ATP8A2: variants seen among roughly 807,000 people sequenced by gnomAD.
ATP8A2 encodes the protein phospholipid-transporting ATPase IB.
A neutral mutation model predicts 165.6 loss-of-function variants in ATP8A2; 100 were observed. The observed-to-expected ratio is 0.60, with a 90% CI of 0.51 to 0.71. ATP8A2 has a LOEUF of 0.71. ATP8A2 is among the 30% of genes least tolerant of loss of function. ATP8A2 has a pLI of 0.00. For synonymous variants in ATP8A2, 543 were observed against 548.8 expected (o/e 0.99, Z 0.15); for missense variants, 1,227 against 1,479.5 (o/e 0.83, Z 2.80).
At chr13:25,830,503 C>T (rs1951434596) in intron 28 of ATP8A2, among the ~76,000 whole-genome samples, 2 of 152,082 alleles carry the variant, frequency 1.3e-5, no homozygotes, top group African/African-American at 4.8e-5. Flanking sequence ...ATGGAATGGT[C>T]AAGGATCTGC....
intron 33 of ATP8A2, among the ~76,000 whole-genome samples, chr13:25,873,187 C>T (rs897225275): frequency 6.6e-6 from 1 of 152,194 alleles, no homozygotes. Context: ...ATTTTAGTCA[C>T]TCATCATTGA....
intron 25 of ATP8A2, among the ~76,000 whole-genome samples, chr13:25,714,366 A>C (rs745653771): frequency 1.3e-5 from 2 of 152,022 alleles, no homozygotes; most frequent in Admixed American, 1.3e-4. Context: ...TCTTTGCTCA[A>C]ATGTCACCCT....
intron 1 of ATP8A2, among the ~76,000 whole-genome samples, chr13:25,403,862 T>C (rs1395945534): frequency 2.0e-5 from 3 of 152,222 alleles, no homozygotes; most frequent in African/African-American, 7.2e-5. Flanking sequence ...AGATAGTTGC[T>C]ATAATCAATA....
intron 33 of ATP8A2, among the ~76,000 whole-genome samples, chr13:25,870,533 G>T (rs997536637): frequency 2.6e-5 from 4 of 152,148 alleles, no homozygotes; most frequent in Admixed American, 2.6e-4. Context: ...ATGAAAATAT[G>T]TTTAATATAT....
intron 33 of ATP8A2, among the ~76,000 whole-genome samples, chr13:25,932,907 C>T (rs1954802880): frequency 1.3e-5 from 2 of 152,108 alleles, no homozygotes; most frequent in African/African-American, 4.8e-5. Context: ...GGTGCAGTGG[C>T]GTGATCTCGG....
chr13:25,744,679 C>G (rs556238415), intron 25 of ATP8A2, among the ~76,000 whole-genome samples: 124 of 152,190 alleles, frequency 8.1e-4, no homozygotes, highest in African/African-American at 2.8e-3. Context: ...TTAGAATTCT[C>G]AATAGCCACT....
chr13:25,403,550 A>G (rs2033706231), intron 1 of ATP8A2, among the ~76,000 whole-genome samples: 1 of 152,204 alleles, frequency 6.6e-6, no homozygotes, highest in Non-Finnish European at 1.5e-5. Context: ...CTGGGACCTC[A>G]CTGAATGACC....
chr13:25,872,054 C>G (rs1952695121), intron 33 of ATP8A2, among the ~76,000 whole-genome samples: 1 of 124,782 alleles, frequency 8.0e-6, no homozygotes, highest in African/African-American at 3.0e-5. Context: ...CCCCTCACCC[C>G]CCCGCCCTCT....
intron 25 of ATP8A2, among the ~76,000 whole-genome samples, chr13:25,748,123 TG>T (rs1415773137): frequency 1.3e-5 from 2 of 152,234 alleles, no homozygotes; most frequent in African/African-American, 4.8e-5. Flanking sequence ...GTTTAAGCTC[TG>T]GGTTTCCAAA....
chr13:25,587,582 TA>T (rs527517147), intron 23 of ATP8A2, among the ~76,000 whole-genome samples: 7 of 152,220 alleles, frequency 4.6e-5, no homozygotes, highest in African/African-American at 7.2e-5. Flanking sequence ...GTTGTTGAAG[TA>T]AAAAACTACC....
At chr13:25,424,346 A>T (rs1473286885) in intron 1 of ATP8A2, among the ~76,000 whole-genome samples, 1 of 152,188 alleles carries the variant, frequency 6.6e-6, no homozygotes, top group Non-Finnish European at 1.5e-5. Context: ...AACACATGGC[A>T]GTGTTGTTTC....
At chr13:25,889,245 C>CATACATATATATATAT (rs1555285524) in intron 33 of ATP8A2, among the ~76,000 whole-genome samples, 8 of 109,972 alleles carry the variant, frequency 7.3e-5, no homozygotes, top group African/African-American at 3.4e-4. Flanking sequence ...CATCCTTTGT[C>CATACATATATATATAT]ATATATATAT....
chr13:25,807,668 G>A (rs551026364), intron 27 of ATP8A2, among the ~76,000 whole-genome samples: 1 of 152,170 alleles, frequency 6.6e-6, no homozygotes. Flanking sequence ...CTTTAATCCT[G>A]TTACTGTAAA....
At chr13:25,889,493 G>A (rs531218159) in intron 33 of ATP8A2, among the ~76,000 whole-genome samples, 2 of 152,004 alleles carry the variant, frequency 1.3e-5, no homozygotes, top group African/African-American at 4.8e-5. Flanking sequence ...ACTTGCTTGA[G>A]GCCCATTGGT....
At chr13:25,808,026 T>C (rs1950779497) in intron 27 of ATP8A2, among the ~76,000 whole-genome samples, 1 of 129,020 alleles carries the variant, frequency 7.8e-6, no homozygotes, top group Non-Finnish European at 1.6e-5. Flanking sequence ...TTTTCATCAG[T>C]GGTTTAAATC....
chr13:25,496,346 G>C (rs2137670538), intron 2 of ATP8A2, among the ~76,000 whole-genome samples: 1 of 152,192 alleles, frequency 6.6e-6, no homozygotes, highest in East Asian at 1.9e-4. Context: ...TAGACCACCT[G>C]ATCATTTTCC....
At chr13:25,504,733 C>T (rs1315774591) in intron 2 of ATP8A2, among the ~76,000 whole-genome samples, 7 of 116,264 alleles carry the variant, frequency 6.0e-5, no homozygotes, top group Admixed American at 1.1e-4. Flanking sequence ...GGCGACAGAG[C>T]GAGACTCCGT....
chr13:25,824,870 G>T (rs1951274449), intron 27 of ATP8A2, among the ~76,000 whole-genome samples: 1 of 151,944 alleles, frequency 6.6e-6, no homozygotes, highest in Non-Finnish European at 1.5e-5. Context: ...TGCCTGCTGT[G>T]TTGAATCCAT....
At position 25,530,604 on chromosome 13, in the gene ATP8A2, G is replaced by A; in HGVS notation, c.364G>A (p.Val122Met). ...TCCAACAGGAAGATATACCACCCTGGTGCCATTGATCATTATTTTAACAAT... is the reference window on the plus strand; with the variant it reads ...TCCAACAGGAAGATATACCACCCTGATGCCATTGATCATTATTTTAACAAT... ...VSPTGRYTTL[V>M]PLIIILTIAG... Residue 122 changes from valine (V) to methionine (M), a missense_variant, in exon 4 of 37, where the codon GTG (valine) becomes ATG (methionine). Transcript: ENST00000381655. 3 of 1,594,496 alleles carry A rather than the reference G, an allele frequency of 1.9e-6. No homozygotes were observed. Among genetic ancestry groups the A allele is most frequent in the Non-Finnish European group, 2.6e-6 (3 of 1,167,908 alleles).
Sources: gnomAD v4.1 joint callset for allele counts (sites outside exome capture counted in the v4.1 genomes callset) on GRCh38, gnomAD v4.1.1 for gene constraint, MANE v1.5 for transcripts, NCBI Gene and HGNC (gene_info 2026-07-23, HGNC 2026-07-21) for gene names.